Variants in HCN1 observed in about 807,000 individuals in gnomAD.
HCN1 encodes the protein potassium/sodium hyperpolarization-activated cyclic nucleotide-gated channel 1.
Under a neutral mutation model 78.9 loss-of-function variants are expected in HCN1, and 13 were observed. The observed-to-expected ratio is 0.16, with a 90% CI of 0.11 to 0.26. The LOEUF (loss-of-function observed/expected upper bound fraction) is 0.26, where lower values mean the gene tolerates loss of function less well. Ranked by LOEUF, HCN1 falls within the 10% of genes least tolerant of loss-of-function variation. The pLI is 1.00. For missense variants in HCN1, 810 were observed against 1,154.3 expected (o/e 0.70, Z 4.32); for synonymous variants, 552 against 455.5 (o/e 1.21, Z -2.70).
intron 4 of HCN1, among the ~76,000 whole-genome samples, chr5:45,391,694 G>A (rs569352868): frequency 3.7e-4 from 57 of 152,200 alleles, no homozygotes; most frequent in Middle Eastern, 6.8e-3. Flanking sequence ...CTGATGAGAG[G>A]CACTTTGATA....
At chr5:45,569,234 T>G (rs1442362015) in intron 2 of HCN1, among the ~76,000 whole-genome samples, 1 of 152,198 alleles carries the variant, frequency 6.6e-6, no homozygotes, top group African/African-American at 2.4e-5. Context: ...TCTTCATTTC[T>G]GTAGGTTTCA....
At chr5:45,376,761 C>G (rs1747688784) in intron 4 of HCN1, among the ~76,000 whole-genome samples, 1 of 151,892 alleles carries the variant, frequency 6.6e-6, no homozygotes, top group Non-Finnish European at 1.5e-5. Context: ...CACTGGGATT[C>G]TGAACCATGT....
At chr5:45,363,900 G>A (rs1360314745) in intron 4 of HCN1, among the ~76,000 whole-genome samples, 1 of 152,032 alleles carries the variant, frequency 6.6e-6, no homozygotes, top group African/African-American at 2.4e-5. Context: ...TCTCGGGTAT[G>A]TCTTTATCAG....
At chr5:45,352,967 A>G (rs146062169) in intron 5 of HCN1, 133 bp downstream of exon 5, 3 of 715,148 alleles carry the variant, frequency 4.2e-6, no homozygotes, top group Non-Finnish European at 7.0e-6. Flanking sequence ...GTGAGAAGCT[A>G]AAGAAGATAA....
At chr5:45,375,168 TTTATAATATATA>T (rs1445446396) in intron 4 of HCN1, among the ~76,000 whole-genome samples, 1 of 120,894 alleles carries the variant, frequency 8.3e-6, no homozygotes, top group Non-Finnish European at 1.6e-5. Context: ...TATAATATAT[TTTATAATATATA>T]ATGTATTATA....
intron 2 of HCN1, among the ~76,000 whole-genome samples, chr5:45,526,124 A>C (rs1742732158): frequency 6.6e-6 from 1 of 152,058 alleles, no homozygotes; most frequent in Admixed American, 6.6e-5. Context: ...TTTATAAGCC[A>C]CCCACTGTGT....
intron 5 of HCN1, among the ~76,000 whole-genome samples, chr5:45,351,233 C>A (rs1413222470): frequency 6.6e-6 from 1 of 151,646 alleles, no homozygotes; most frequent in Non-Finnish European, 1.5e-5. Flanking sequence ...ATATCTACAA[C>A]TATCTGATCT....
chr5:45,664,110 A>T (rs1176776411), intron 1 of HCN1, among the ~76,000 whole-genome samples: 1 of 88,694 alleles, frequency 1.1e-5, no homozygotes, highest in Non-Finnish European at 2.2e-5. Flanking sequence ...CATATACACC[A>T]TGGAATACTA....
chr5:45,276,213 C>T (rs776630011), intron 6 of HCN1, among the ~76,000 whole-genome samples: 22 of 151,436 alleles, frequency 1.5e-4, no homozygotes, highest in Non-Finnish European at 3.0e-4. Context: ...CTCTCTTTCT[C>T]ACACACACAC....
At position 45,620,363 on chromosome 5, in the gene HCN1, G is replaced by A. The variant is rs183706233; in HGVS notation, c.849+24822C>T. Among the ~76,000 whole-genome samples the A allele has an allele frequency of 7.0e-3, 1,071 of 152,036 alleles. 2 individuals are homozygous for A. The highest frequency in any genetic ancestry group is 9.6e-3 in the Non-Finnish European group (652 of 67,906). On this transcript the variant is annotated intron_variant, in intron 2 of 7. Coordinates refer to ENST00000303230, the MANE Select transcript of HCN1 (RefSeq NM_021072.4). ...ATACCCAATCTAATTTCTTAGATTT[G>A]AGAAATATACTATATTTATGTAAGA... is the stretch of plus-strand genomic sequence containing the variant.
At chr5:45,318,721 T>A (rs2111931788) in intron 5 of HCN1, among the ~76,000 whole-genome samples, 1 of 151,934 alleles carries the variant, frequency 6.6e-6, no homozygotes, top group African/African-American at 2.4e-5. Flanking sequence ...CTTTTAAAGT[T>A]ACAACATAAC....
At chr5:45,539,680 AAAC>A (rs1194901617) in intron 2 of HCN1, among the ~76,000 whole-genome samples, 3 of 148,692 alleles carry the variant, frequency 2.0e-5, no homozygotes, top group Non-Finnish European at 4.4e-5. Flanking sequence ...AAAAGAAAGA[AAAC>A]AATATTTTAA....
intron 5 of HCN1, among the ~76,000 whole-genome samples, chr5:45,327,009 A>C (rs972781967): frequency 1.3e-5 from 2 of 151,644 alleles, no homozygotes; most frequent in African/African-American, 2.4e-5. Flanking sequence ...AAAAATACTA[A>C]AATTAAGGAA....
chr5:45,622,409 C>A (rs745628263), intron 2 of HCN1, among the ~76,000 whole-genome samples: 1 of 152,100 alleles, frequency 6.6e-6, no homozygotes, highest in Non-Finnish European at 1.5e-5. Context: ...TACTAATCAT[C>A]TTTTATAATT....
intron 1 of HCN1, among the ~76,000 whole-genome samples, chr5:45,691,798 C>G (rs2112103641): frequency 6.6e-6 from 1 of 152,248 alleles, no homozygotes; most frequent in Admixed American, 6.5e-5. Context: ...CCTCCCTTCC[C>G]TAATGAACAC....
intron 5 of HCN1, among the ~76,000 whole-genome samples, chr5:45,320,375 T>A (rs558010230): frequency 6.6e-6 from 1 of 151,878 alleles, no homozygotes; most frequent in Admixed American, 6.6e-5. Flanking sequence ...TAGGGAGTTT[T>A]TTTGAGGTAA....
At chr5:45,303,503 A>G in intron 6 of HCN1, 96 bp downstream of exon 6, 1 of 1,344,502 alleles carries the variant, frequency 7.4e-7, no homozygotes, top group Non-Finnish European at 1.1e-6. Context: ...TTTACATTCA[A>G]AACCAAAAAA....
At chr5:45,310,224 A>G (rs1178018137) in intron 5 of HCN1, among the ~76,000 whole-genome samples, 2 of 152,188 alleles carry the variant, frequency 1.3e-5, no homozygotes, top group Admixed American at 1.3e-4. Flanking sequence ...CAGAGTAAAC[A>G]GACAACCTGT....
intron 1 of HCN1, among the ~76,000 whole-genome samples, chr5:45,664,849 TG>T (rs1413173262): frequency 6.6e-6 from 1 of 151,954 alleles, no homozygotes; most frequent in Non-Finnish European, 1.5e-5. Context: ...ACACTGTTGG[TG>T]GGACTGTAAA....
Sources: gnomAD v4.1 joint callset for allele counts (sites outside exome capture counted in the v4.1 genomes callset) on GRCh38, gnomAD v4.1.1 for gene constraint, MANE v1.5 for transcripts, NCBI Gene and HGNC (gene_info 2026-07-23, HGNC 2026-07-21) for gene names.